The following MLLT3 variants were observed in gnomAD, a reference collection of about 807,000 sequenced individuals.
MLLT3 encodes MLLT3 super elongation complex subunit, also known as protein AF-9.
MLLT3 carries 4 observed loss-of-function variants against 53.2 expected under a neutral mutation model. That is an observed-to-expected ratio of 0.08 (90% CI 0.04 to 0.17). The LOEUF is 0.17. Ranked by LOEUF, MLLT3 falls within the 10% of genes least tolerant of loss-of-function variation. The pLI is 1.00. For synonymous variants in MLLT3, 283 were observed against 230.6 expected (o/e 1.23, Z -2.06); for missense variants, 569 against 684.0 (o/e 0.83, Z 1.87).
intron 5 of MLLT3, among the ~76,000 whole-genome samples, chr9:20,408,868 A>T (rs1306228371): frequency 6.6e-6 from 1 of 152,132 alleles, no homozygotes; most frequent in Admixed American, 6.5e-5. Flanking sequence ...AAAAGAAGGG[A>T]AGTTTTTTTT....
At chr9:20,398,038 T>C (rs1215439087) in intron 5 of MLLT3, among the ~76,000 whole-genome samples, 1 of 152,150 alleles carries the variant, frequency 6.6e-6, no homozygotes, top group African/African-American at 2.4e-5. Context: ...CCCCTTTTAG[T>C]TAGAAACTTA....
chr9:20,439,093 A>T (rs978728487), intron 4 of MLLT3, among the ~76,000 whole-genome samples: 6 of 152,106 alleles, frequency 3.9e-5, no homozygotes, highest in African/African-American at 1.4e-4. Context: ...GGTGGCTCAC[A>T]TCTGTAATCC....
intron 2 of MLLT3, among the ~76,000 whole-genome samples, chr9:20,542,220 T>G (rs192123033): frequency 6.6e-6 from 1 of 150,678 alleles, no homozygotes; most frequent in Non-Finnish European, 1.5e-5. Context: ...ACCAGGCACA[T>G]GGTCAATGAG....
At chr9:20,594,888 C>T (rs2131190457) in intron 2 of MLLT3, among the ~76,000 whole-genome samples, 1 of 152,266 alleles carries the variant, frequency 6.6e-6, no homozygotes, top group South Asian at 2.1e-4. Flanking sequence ...AGGAATTGCC[C>T]AGCCCCTTCC....
rs1290448903 is a variant in MLLT3, at chr9:20,346,460, T to G, written c.1690A>C (p.Thr564Pro). Residue 564 changes from threonine to proline, a missense_variant, in exon 11 of 11, where the codon ACA becomes CCA. Around this residue, in one of 5 missense-constraint regions of MLLT3, gnomAD observed 45 missense variants for 85.5 expected, o/e 0.53. Transcript: ENST00000380338. ...TVRKLQSYLE[T>P]SGTS ...TTATATCCTCAGGATGTTCCAGATGTTTCCAGGTAACTCTGTAGTTTACGG... is the reference window on the plus strand; with the variant it reads ...TTATATCCTCAGGATGTTCCAGATGGTTCCAGGTAACTCTGTAGTTTACGG... The G allele has an allele frequency of 5.6e-6, 9 of 1,613,276 alleles. No homozygotes were observed. In the South Asian group the frequency reaches 9.9e-5, roughly 18 times the overall value.
intron 2 of MLLT3, among the ~76,000 whole-genome samples, chr9:20,602,488 T>C (rs1164287760): frequency 6.6e-6 from 1 of 152,110 alleles, no homozygotes; most frequent in African/African-American, 2.4e-5. Flanking sequence ...TCACATGGCT[T>C]ATAAAAAAAT....
At chr9:20,566,132 C>T (rs1819372389) in intron 2 of MLLT3, among the ~76,000 whole-genome samples, 2 of 142,886 alleles carry the variant, frequency 1.4e-5, no homozygotes, top group African/African-American at 5.2e-5. Flanking sequence ...AACCACTTTC[C>T]CACTGTATTT....
At chr9:20,377,537 G>C (rs1255019073) in intron 5 of MLLT3, among the ~76,000 whole-genome samples, 1 of 152,102 alleles carries the variant, frequency 6.6e-6, no homozygotes, top group African/African-American at 2.4e-5. Context: ...TATCTGAAGA[G>C]ATTATTTTGA....
At chr9:20,472,310 C>A (rs1244244758) in intron 2 of MLLT3, among the ~76,000 whole-genome samples, 1 of 152,022 alleles carries the variant, frequency 6.6e-6, no homozygotes. Flanking sequence ...ATGGTTCCAA[C>A]CCTCAATGCC....
intron 2 of MLLT3, among the ~76,000 whole-genome samples, chr9:20,492,288 T>C (rs1326260861): frequency 2.6e-5 from 4 of 152,006 alleles, no homozygotes; most frequent in East Asian, 3.8e-4. Flanking sequence ...AAAATGAAGG[T>C]ACCAAGATCC....
At chr9:20,360,714 C>A in intron 8 of MLLT3, 28 bp downstream of exon 8, 1 of 1,569,498 alleles carries the variant, frequency 6.4e-7, no homozygotes, top group Non-Finnish European at 8.8e-7. Context: ...TCTGCAGAGT[C>A]TTGCAAAGTG....
chr9:20,508,022 T>C (rs1056500509), intron 2 of MLLT3, among the ~76,000 whole-genome samples: 1 of 152,186 alleles, frequency 6.6e-6, no homozygotes, highest in Non-Finnish European at 1.5e-5. Context: ...TTCAAATGTA[T>C]ATTCCCTGCT....
At chr9:20,619,671 T>G (rs1261060214) in intron 2 of MLLT3, among the ~76,000 whole-genome samples, 2 of 152,216 alleles carry the variant, frequency 1.3e-5, no homozygotes, top group East Asian at 1.9e-4. Context: ...CTAATCCAAC[T>G]AAAACAACCA....
intron 5 of MLLT3, among the ~76,000 whole-genome samples, chr9:20,402,947 A>G (rs564480476): frequency 7.9e-5 from 12 of 152,202 alleles, no homozygotes; most frequent in Non-Finnish European, 1.8e-4. Flanking sequence ...AGGCTTAAAT[A>G]AGTGTGTAAG....
At chr9:20,513,131 C>T (rs1342987962) in intron 2 of MLLT3, among the ~76,000 whole-genome samples, 1 of 152,184 alleles carries the variant, frequency 6.6e-6, no homozygotes, top group Non-Finnish European at 1.5e-5. Flanking sequence ...TACAGTGTAC[C>T]TTTCATGAGA....
chr9:20,597,409 A>G (rs1820301706), intron 2 of MLLT3, among the ~76,000 whole-genome samples: 1 of 152,144 alleles, frequency 6.6e-6, no homozygotes, highest in Non-Finnish European at 1.5e-5. Context: ...TAGAGGTCTT[A>G]CTGCAGAAAT....
At chr9:20,379,782 T>C (rs1411540069) in intron 5 of MLLT3, among the ~76,000 whole-genome samples, 17 of 152,038 alleles carry the variant, frequency 1.1e-4, no homozygotes, top group Admixed American at 1.1e-3. Context: ...TAGATCTTGA[T>C]GGATCTAAAC....
intron 2 of MLLT3, among the ~76,000 whole-genome samples, chr9:20,481,585 C>A (rs1235921327): frequency 6.6e-6 from 1 of 152,160 alleles, no homozygotes; most frequent in Non-Finnish European, 1.5e-5. Context: ...GACTGAGGAA[C>A]CTACTGGGAG....
At chr9:20,527,532 G>A (rs1160399782) in intron 2 of MLLT3, among the ~76,000 whole-genome samples, 1 of 152,156 alleles carries the variant, frequency 6.6e-6, no homozygotes, top group African/African-American at 2.4e-5. Flanking sequence ...GTCACCTAAT[G>A]TCACAGCTAA....
Sources: gnomAD v4.1 joint callset for allele counts (sites outside exome capture counted in the v4.1 genomes callset) on GRCh38, gnomAD v4.1.1 for gene constraint, gnomAD v4.1.1 regional missense constraint, MANE v1.5 for transcripts, NCBI Gene and HGNC (gene_info 2026-07-23, HGNC 2026-07-21) for gene names.